Variants in CWC27 observed in about 807,000 individuals in gnomAD.
CWC27 encodes spliceosome-associated protein CWC27 homolog.
In CWC27, 47 loss-of-function variants were observed where a neutral mutation model predicts 63.6. The observed-to-expected ratio is 0.74, with a 90% confidence interval of 0.58 to 0.94. CWC27 has a LOEUF of 0.94. CWC27 is among the 40% of genes least tolerant of loss of function. The pLI, the probability that CWC27 is intolerant of heterozygous loss-of-function variation, is 0.00. For missense variants in CWC27, 495 were observed against 554.3 expected (o/e 0.89, Z 1.07); for synonymous variants, 175 against 179.8 (o/e 0.97, Z 0.22).
chr5:64,788,789 T>A (rs900146402), intron 6 of CWC27, among the ~76,000 whole-genome samples, 162 bp from the exon 7 acceptor site: 1 of 152,082 alleles, frequency 6.6e-6, no homozygotes, highest in Non-Finnish European at 1.5e-5. Context: ...ATACAGATCG[T>A]TAGAATACTT....
intron 10 of CWC27, among the ~76,000 whole-genome samples, chr5:64,816,802 G>A (rs1745045128): frequency 6.6e-6 from 1 of 152,066 alleles, no homozygotes; most frequent in Admixed American, 6.6e-5. Context: ...ACAGCAGGGA[G>A]GAAACGAATG....
At chr5:64,922,151 A>G (rs1409585884) in intron 11 of CWC27, among the ~76,000 whole-genome samples, 2 of 152,064 alleles carry the variant, frequency 1.3e-5, no homozygotes, top group Non-Finnish European at 2.9e-5. Flanking sequence ...GGGTTCTCTG[A>G]ATTTCTTGAA....
chr5:64,999,286 A>T (rs1207291839), intron 13 of CWC27, among the ~76,000 whole-genome samples: 1 of 152,058 alleles, frequency 6.6e-6, no homozygotes, highest in African/African-American at 2.4e-5. Flanking sequence ...TGTACATGTG[A>T]TATTTTGATA....
chr5:65,018,451 A>G lies in CWC27; in HGVS notation c.*130A>G. ...TTTGAACCTGTTGTCTGGTTTTGAA[A>G]AACAATTATCTTGTTTTGCAAATTG... is the stretch of plus-strand genomic sequence containing the variant. On this transcript the variant is annotated 3_prime_UTR_variant, in exon 14 of 14. Transcript: ENST00000381070. The G allele has an allele frequency of 2.5e-6, 2 of 796,120 alleles. No individual in the cohort carries two copies. Among genetic ancestry groups the G allele is most frequent in the Non-Finnish European group, 3.7e-6 (2 of 539,082 alleles). The allele number at this position is 796,120 out of a possible 1,614,324, so 49.3% of individuals were successfully genotyped here. A position where few individuals can be genotyped will look rare whatever the true frequency, so the allele number is the denominator to read the frequency against.
chr5:64,996,471 A>G (rs774752105), intron 13 of CWC27, among the ~76,000 whole-genome samples: 3 of 152,282 alleles, frequency 2.0e-5, no homozygotes, highest in Admixed American at 2.0e-4. Context: ...ATAAAAGTTA[A>G]AGTAAGAAAC....
chr5:64,780,497 G>A (rs1183344884), intron 2 of CWC27, among the ~76,000 whole-genome samples: 3 of 148,244 alleles, frequency 2.0e-5, no homozygotes, highest in Non-Finnish European at 4.5e-5. Context: ...ATGATGTTTT[G>A]TAAAAGCAAA....
At chr5:65,014,636 A>T (rs1015720690) in intron 13 of CWC27, among the ~76,000 whole-genome samples, 11 of 152,152 alleles carry the variant, frequency 7.2e-5, no homozygotes, top group African/African-American at 2.7e-4. Flanking sequence ...GTAAACTATC[A>T]GACCCCCTGT....
intron 11 of CWC27, among the ~76,000 whole-genome samples, chr5:64,924,265 G>C (rs758498929): frequency 6.6e-6 from 1 of 152,100 alleles, no homozygotes; most frequent in Non-Finnish European, 1.5e-5. Context: ...TACCTCATGG[G>C]TTGCTATCAT....
rs1748325907 is a variant in CWC27 at position 64,935,458 on chromosome 5, CTGTA to C, written c.1043-36241_1043-36238del. On this transcript the variant is annotated intron_variant, in intron 11 of 13. Transcript: ENST00000381070. ...GAGGCCTCTGTCCTATTCCATTGGT[CTGTA>C]TGTCTGTTTTGGTACCAGTACCATG... Among the ~76,000 whole-genome samples, 3 of 152,212 alleles carry C rather than the reference CTGTA, an allele frequency of 2.0e-5. 1 individual carries two copies. The highest frequency in any genetic ancestry group is 7.2e-5 in the African/African-American group (3 of 41,522).
In CWC27 at chr5:64,870,481, TTAA is replaced by T. The variant is rs1412756672; in HGVS notation, c.939-14961_939-14959del. Among the ~76,000 whole-genome samples, 622 of 124,396 alleles carry T rather than the reference TTAA, an allele frequency of 5.0e-3. 5 individuals are homozygous for T. The highest frequency in any genetic ancestry group is 0.016 in the African/African-American group (585 of 36,926). The allele number at this position is 124,396 out of a possible 152,430, so 81.6% of individuals were successfully genotyped here. ...TTTAACAAGTGGATTCTTAAATTGG[TTAA>T]AAAAAAAAAAAAAAATACATGATCC... On this transcript the variant is annotated intron_variant, in intron 10 of 13. Transcript: ENST00000381070.
At chr5:64,817,002 C>G (rs144726663) in intron 10 of CWC27, among the ~76,000 whole-genome samples, 1 of 152,110 alleles carries the variant, frequency 6.6e-6, no homozygotes, top group Non-Finnish European at 1.5e-5. Context: ...ATCTACCTAT[C>G]TGCATCTGAA....
intron 10 of CWC27, among the ~76,000 whole-genome samples, chr5:64,809,530 G>A (rs1744804458): frequency 6.6e-6 from 1 of 152,094 alleles, no homozygotes. Flanking sequence ...ACCACGCCAG[G>A]CTAATTTTTT....
intron 12 of CWC27, among the ~76,000 whole-genome samples, chr5:64,974,476 T>C (rs1342399311): frequency 6.6e-6 from 1 of 152,102 alleles, no homozygotes; most frequent in Non-Finnish European, 1.5e-5. Flanking sequence ...ACCCATCAGA[T>C]CTTGTGAGAC....
chr5:64,930,802 A>G (rs566204413), intron 11 of CWC27, among the ~76,000 whole-genome samples: 11 of 152,150 alleles, frequency 7.2e-5, no homozygotes, highest in Non-Finnish European at 1.3e-4. Context: ...TGGACACCAT[A>G]TGTCTCTTAA....
At chr5:64,998,827 G>A (rs1257582328) in intron 13 of CWC27, among the ~76,000 whole-genome samples, 1 of 151,228 alleles carries the variant, frequency 6.6e-6, no homozygotes, top group African/African-American at 2.4e-5. Flanking sequence ...AAAATTTTTT[G>A]TTCTTATTTT....
At chr5:64,920,510 C>T (rs889659862) in intron 11 of CWC27, among the ~76,000 whole-genome samples, 57 of 152,136 alleles carry the variant, frequency 3.7e-4, no homozygotes, top group African/African-American at 1.3e-3. Flanking sequence ...GAGGAATCCC[C>T]GTCCCTCAAT....
chr5:64,936,262 G>A (rs1748350030), intron 11 of CWC27, among the ~76,000 whole-genome samples: 1 of 152,166 alleles, frequency 6.6e-6, no homozygotes, highest in South Asian at 2.1e-4. Flanking sequence ...TTATTATTTT[G>A]AGATACGTTC....
chr5:64,923,469 C>T (rs1748039400), intron 11 of CWC27, among the ~76,000 whole-genome samples: 1 of 150,780 alleles, frequency 6.6e-6, no homozygotes, highest in Non-Finnish European at 1.5e-5. Context: ...TGTGGGGTTT[C>T]CAGCTTCCTC....
intron 11 of CWC27, among the ~76,000 whole-genome samples, chr5:64,915,786 T>A (rs1252890763): frequency 6.6e-6 from 1 of 152,158 alleles, no homozygotes; most frequent in East Asian, 1.9e-4. Context: ...CACGTATTAT[T>A]TACTTTAATT....
Sources: gnomAD v4.1 joint callset for allele counts (sites outside exome capture counted in the v4.1 genomes callset) on GRCh38, gnomAD v4.1.1 for gene constraint, MANE v1.5 for transcripts, NCBI Gene and HGNC (gene_info 2026-07-23, HGNC 2026-07-21) for gene names.